The following GPC5 variants were observed in gnomAD, a reference collection of about 807,000 sequenced individuals.
GPC5 encodes glypican-5.
Under a neutral mutation model 53.9 loss-of-function variants are expected in GPC5, and 47 were observed. The observed-to-expected ratio is 0.87, with a 90% CI of 0.69 to 1.11. The LOEUF (loss-of-function observed/expected upper bound fraction) is 1.11, where lower values mean the gene tolerates loss of function less well. GPC5 is among the 50% of genes most tolerant of loss of function. The pLI is 0.00. For synonymous variants in GPC5, 286 were observed against 263.3 expected, an observed-to-expected ratio of 1.09 and a Z score of -0.84; for missense variants, 748 against 713.1, an observed-to-expected ratio of 1.05 and a Z score of -0.56.
chr13:92,478,496 C>T (rs1879231830), intron 7 of GPC5, among the ~76,000 whole-genome samples: 1 of 152,170 alleles, frequency 6.6e-6, no homozygotes, highest in Non-Finnish European at 1.5e-5. Flanking sequence ...CGATCATTAT[C>T]TGCAAAAGTG....
intron 6 of GPC5, among the ~76,000 whole-genome samples, chr13:91,988,826 C>T (rs1401434594): frequency 6.7e-6 from 1 of 149,688 alleles, no homozygotes; most frequent in East Asian, 1.9e-4. Context: ...GGTCGTCTTC[C>T]TTGCTTGATT....
chr13:92,502,619 A>G (rs1298265940), intron 7 of GPC5, among the ~76,000 whole-genome samples: 1 of 152,076 alleles, frequency 6.6e-6, no homozygotes, highest in Non-Finnish European at 1.5e-5. Context: ...AAGACCAGAG[A>G]CGAAGAGGGA....
At position 92,726,585 on chromosome 13, in the gene GPC5, C is replaced by G. The variant is rs141498678; in HGVS notation, c.1562-139697C>G. Among the ~76,000 whole-genome samples, 17 of 151,582 alleles carry G rather than the reference C, an allele frequency of 1.1e-4. No individual in the cohort carries two copies. In the East Asian group the frequency reaches 3.1e-3, roughly 28 times the overall value. ...ACTATTTCTTAATAAAGGAATAAAA[C>G]TTTTTTTCCAAAATTTAACTGTTTA... On this transcript the variant is annotated intron_variant, in intron 7 of 7. Transcript: ENST00000377067.
intron 7 of GPC5, among the ~76,000 whole-genome samples, chr13:92,418,716 G>C (rs929962990): frequency 1.4e-4 from 21 of 152,256 alleles, no homozygotes; most frequent in Admixed American, 2.6e-4. Context: ...CTCAGTAATT[G>C]TTTTGTGTGC....
At chr13:92,551,773 C>T (rs1055997277) in intron 7 of GPC5, among the ~76,000 whole-genome samples, 2 of 151,386 alleles carry the variant, frequency 1.3e-5, no homozygotes, top group African/African-American at 4.8e-5. Context: ...GAAGAACAAA[C>T]AAACAGAAAA....
intron 2 of GPC5, among the ~76,000 whole-genome samples, chr13:91,463,380 T>G (rs1882052162): frequency 6.6e-6 from 1 of 152,106 alleles, no homozygotes; most frequent in African/African-American, 2.4e-5. Context: ...AAAAGCCAAC[T>G]GTATATTGGA....
chr13:92,302,686 A>G (rs1373131459), intron 7 of GPC5, among the ~76,000 whole-genome samples: 1 of 152,226 alleles, frequency 6.6e-6, no homozygotes, highest in Non-Finnish European at 1.5e-5. Flanking sequence ...ATTTTATGAT[A>G]ATAAGTTTGG....
Position 91,693,667 on chromosome 13 carries a change from C to T in GPC5, c.806C>T (p.Pro269Leu). The T allele has an allele frequency of 1.9e-6, 3 of 1,614,136 alleles. No homozygotes were observed. The highest frequency in any genetic ancestry group is 2.5e-6 in the Non-Finnish European group (3 of 1,179,994). The stretch of plus-strand genomic sequence containing the variant: ...TGCCAAGGCCTGGCGCTCACTAAGC[C>T]TTGTATGGGATACTGCCTCAATGTC... ...PHCQGLALTK[P>L]CMGYCLNVMR... Residue 269 changes from proline to leucine, a missense_variant, in exon 3 of 8, where the codon CCT becomes CTT. Coordinates refer to ENST00000377067, the MANE Select transcript of GPC5 (RefSeq NM_004466.6).
intron 5 of GPC5, among the ~76,000 whole-genome samples, chr13:91,805,201 C>T (rs929449886): frequency 4.6e-5 from 7 of 152,118 alleles, no homozygotes; most frequent in Non-Finnish European, 1.5e-5. Flanking sequence ...AACTCCTCCA[C>T]GGCCAACCCT....
chr13:91,452,872 A>G (rs1881280693), intron 2 of GPC5, among the ~76,000 whole-genome samples: 1 of 152,012 alleles, frequency 6.6e-6, no homozygotes, highest in Admixed American at 6.6e-5. Flanking sequence ...TATTTGGAAG[A>G]TAAGGTTAAA....
intron 6 of GPC5, among the ~76,000 whole-genome samples, chr13:91,939,960 C>T (rs2039909623): frequency 2.0e-5 from 3 of 152,090 alleles, no homozygotes; most frequent in Admixed American, 2.0e-4. Flanking sequence ...TTTAGACCTC[C>T]CATCTTTTAA....
intron 7 of GPC5, among the ~76,000 whole-genome samples, chr13:92,259,832 C>T (rs1303617785): frequency 6.6e-6 from 1 of 152,130 alleles, no homozygotes; most frequent in South Asian, 2.1e-4. Context: ...CCCTGCAGAT[C>T]AGAAATTCAC....
intron 1 of GPC5, among the ~76,000 whole-genome samples, chr13:91,410,414 T>C (rs562337521): frequency 1.1e-4 from 16 of 142,594 alleles, no homozygotes; most frequent in South Asian, 4.8e-4. Flanking sequence ...GGCACGATCT[T>C]GGCTCACTGC....
rs9589236 is a variant in GPC5 at position 91,448,988 on chromosome 13, C to T, written c.325+66C>T. Reference sequence around the variant, plus strand: ...TTATGTAATTTGCCTAAGATAGTTACGTTGGCAAACTTGGCTGGGTTTATT... The same window carrying T: ...TTATGTAATTTGCCTAAGATAGTTATGTTGGCAAACTTGGCTGGGTTTATT... On this transcript the variant is annotated intron_variant, in intron 2 of 7. Coordinates refer to ENST00000377067, the MANE Select transcript of GPC5 (RefSeq NM_004466.6). 7,747 of 1,503,890 alleles carry T rather than the reference C, an allele frequency of 5.2e-3. 275 individuals carry two copies. The South Asian group carries it at 0.072, about 14-fold the overall frequency. The allele number at this position is 1,503,890 out of a possible 1,614,324, so 93.2% of individuals were successfully genotyped here. A position where few individuals can be genotyped will look rare whatever the true frequency, so the allele number is the denominator to read the frequency against.
intron 7 of GPC5, among the ~76,000 whole-genome samples, chr13:92,573,839 A>G (rs1297693244): frequency 6.6e-6 from 1 of 152,106 alleles, no homozygotes; most frequent in East Asian, 1.9e-4. Context: ...CAGCATACCA[A>G]TGTCTTCATA....
chr13:91,914,674 G>T (rs76283477), intron 6 of GPC5, among the ~76,000 whole-genome samples: 1 of 148,784 alleles, frequency 6.7e-6, no homozygotes. Context: ...TTAGGATACC[G>T]ATATAATAAA....
intron 6 of GPC5, among the ~76,000 whole-genome samples, chr13:92,020,400 T>G (rs1443938200): frequency 2.0e-5 from 3 of 152,172 alleles, no homozygotes; most frequent in Non-Finnish European, 2.9e-5. Flanking sequence ...AGAGACAAAT[T>G]AATCTATAGC....
chr13:92,481,429 G>C (rs1355125729), intron 7 of GPC5, among the ~76,000 whole-genome samples: 3 of 152,070 alleles, frequency 2.0e-5, no homozygotes, highest in Non-Finnish European at 2.9e-5. Context: ...CACCAGGCTT[G>C]TAGTAATTTG....
intron 6 of GPC5, among the ~76,000 whole-genome samples, chr13:92,103,469 T>A (rs2041482667): frequency 1.3e-5 from 2 of 152,186 alleles, no homozygotes; most frequent in South Asian, 4.1e-4. Context: ...AAATTGTGGC[T>A]TATCTCAAAA....
Sources: allele counts gnomAD v4.1 joint callset (sites outside exome capture counted in the v4.1 genomes callset), GRCh38; gene constraint gnomAD v4.1.1; transcripts MANE v1.5; gene names NCBI Gene and HGNC (gene_info 2026-07-23, HGNC 2026-07-21).